HEG1: variants seen among roughly 807,000 people sequenced by gnomAD.
HEG1 encodes the protein protein HEG homolog 1.
Under a neutral mutation model 125.6 loss-of-function variants are expected in HEG1, and 56 were observed. The ratio of observed to expected loss-of-function variants is 0.45; its 90% confidence interval spans 0.36 to 0.56. The LOEUF (loss-of-function observed/expected upper bound fraction) is 0.56. HEG1 is among the 20% of genes least tolerant of loss of function. HEG1 has a pLI of 0.00. For missense variants in HEG1, 1,523 were observed against 1,670.0 expected, an observed-to-expected ratio of 0.91 and a Z score of 1.53; for synonymous variants, 644 against 668.5, an observed-to-expected ratio of 0.96 and a Z score of 0.57.
rs377517994 is a variant in HEG1, at chr3:125,012,903, T to G, written c.2676A>C (p.Gln892His). The G allele has an allele frequency of 9.6e-5, 155 of 1,614,046 alleles. No individual in the cohort carries two copies. Among genetic ancestry groups the G allele is most frequent in the Non-Finnish European group, 1.2e-4 (144 of 1,179,904 alleles). ...SLTHPEILVP[Q>H]ISTEGGISTE... The stretch of plus-strand genomic sequence containing the variant: ...TGCTGATGCCACCTTCTGTTGAGAT[T>G]TGAGGAACTAGTATTTCAGGATGGG... The change falls in exon 6 of 17, where the codon CAA becomes CAC. Residue 892 changes from glutamine (Q) to histidine (H), a missense_variant. Transcript: ENST00000311127.
intron 11 of HEG1, among the ~76,000 whole-genome samples, 159 bp from the exon 12 acceptor site, chr3:124,997,982 C>T (rs947910933): frequency 6.6e-6 from 1 of 152,238 alleles, no homozygotes; most frequent in African/African-American, 2.4e-5. Context: ...ACACTCCTCT[C>T]AGGAGTCCAT....
At chr3:124,991,532 A>C (rs1936834201) in intron 12 of HEG1, among the ~76,000 whole-genome samples, 1 of 152,146 alleles carries the variant, frequency 6.6e-6, no homozygotes, top group African/African-American at 2.4e-5. Flanking sequence ...ATTTTATTGG[A>C]GGTGATTAAG....
At chr3:125,038,519 A>G (rs749758774) in intron 1 of HEG1, among the ~76,000 whole-genome samples, 1 of 152,196 alleles carries the variant, frequency 6.6e-6, no homozygotes, top group Non-Finnish European at 1.5e-5. Flanking sequence ...CTGCCACTGG[A>G]GGTCTTGTTT....
At chr3:124,990,016 G>A (rs1253310095) in intron 14 of HEG1, among the ~76,000 whole-genome samples, 1 of 152,006 alleles carries the variant, frequency 6.6e-6, no homozygotes, top group Non-Finnish European at 1.5e-5. Flanking sequence ...GAACACCAAG[G>A]GCCCATGGCT....
chr3:124,971,107 A>G (rs1239580640), intron 16 of HEG1: 1 of 515,672 alleles, frequency 1.9e-6, no homozygotes, highest in South Asian at 1.5e-5. Context: ...GGAGGCCAAC[A>G]GCAATCCTCA....
At chr3:125,050,664 C>T (rs1320636968) in intron 1 of HEG1, among the ~76,000 whole-genome samples, 1 of 152,214 alleles carries the variant, frequency 6.6e-6, no homozygotes, top group Non-Finnish European at 1.5e-5. Flanking sequence ...TCGCTTTTTA[C>T]AATCTTGATG....
Position 125,019,570 on chromosome 3 carries a change from C to A in HEG1, c.1280G>T (p.Ser427Ile). Residue 427 changes from serine to isoleucine, a missense_variant, in exon 5 of 17, where the codon AGC (serine) becomes ATC (isoleucine). Transcript: ENST00000311127. The stretch of plus-strand genomic sequence containing the variant: ...GGGACTTCCATTTTGCACCTCAGAG[C>A]TGCTGGCAAGCTGATGTTCTCCAAA... ...PTFGEHQLASSSEVQNGSPMS... is the reference protein window; with the variant it reads ...PTFGEHQLASISEVQNGSPMS... The A allele has an allele frequency of 6.2e-7, 1 of 1,605,928 alleles. No homozygotes were observed. Among genetic ancestry groups the A allele is most frequent in the Non-Finnish European group, 8.5e-7 (1 of 1,173,042 alleles).
intron 14 of HEG1, among the ~76,000 whole-genome samples, chr3:124,978,556 T>C (rs1936589705): frequency 1.3e-5 from 2 of 152,128 alleles, no homozygotes; most frequent in Non-Finnish European, 2.9e-5. Flanking sequence ...GAAAAATAAA[T>C]GTGAGTTATG....
At chr3:125,051,106 C>G (rs1297439315) in intron 1 of HEG1, among the ~76,000 whole-genome samples, 2 of 152,242 alleles carry the variant, frequency 1.3e-5, no homozygotes, top group Non-Finnish European at 1.5e-5. Context: ...GCAGCAACCT[C>G]TGGCATCAAT....
intron 11 of HEG1, among the ~76,000 whole-genome samples, chr3:124,998,268 C>A (rs1336119837): frequency 2.0e-5 from 3 of 152,292 alleles, no homozygotes; most frequent in Non-Finnish European, 2.9e-5. Context: ...CAGGCCAGAC[C>A]TGTTTCAAGT....
rs911623853 is a variant in HEG1 at position 125,011,667 on chromosome 3, A to G, written c.2956+956T>C. Among the ~76,000 whole-genome samples the G allele has an allele frequency of 2.0e-5, 3 of 152,308 alleles. No individual in the cohort carries two copies. The South Asian group carries it at 6.2e-4, about 32-fold the overall frequency. On this transcript the variant is annotated intron_variant, in intron 6 of 16. Transcript: ENST00000311127. ...GGGGGTGGTTTGCTTATGAGCCTCC[A>G]GCCCAGGTTGATTGTGGCTGACAGG...
At chr3:125,007,008 G>A (rs1460121673) in intron 8 of HEG1, among the ~76,000 whole-genome samples, 2 of 151,678 alleles carry the variant, frequency 1.3e-5, no homozygotes, top group Non-Finnish European at 2.9e-5. Flanking sequence ...GACCATCCCG[G>A]CTAAAACGGT....
intron 8 of HEG1, chr3:125,009,421 A>G (rs1452051191): frequency 4.9e-6 from 1 of 206,016 alleles, no homozygotes; most frequent in East Asian, 1.1e-4. Flanking sequence ...TGTTTGTACA[A>G]TGTTTTTAAC....
intron 14 of HEG1, among the ~76,000 whole-genome samples, chr3:124,983,227 A>G (rs1936682667): frequency 1.3e-5 from 2 of 152,234 alleles, no homozygotes; most frequent in Admixed American, 6.5e-5. Context: ...AACACATTAC[A>G]GAATTTTCTA....
chr3:124,985,261 A>G (rs1936719869), intron 14 of HEG1, among the ~76,000 whole-genome samples: 1 of 152,190 alleles, frequency 6.6e-6, no homozygotes, highest in Admixed American at 6.5e-5. Flanking sequence ...TAGTAAGGAA[A>G]CATGGTGAAC....
chr3:125,019,364 C>T lies in HEG1; in HGVS notation c.1486G>A (p.Gly496Arg), dbSNP rs1322402874. 6.2e-7 allele frequency: 1 copy of T among 1,614,028 alleles called. No homozygotes were observed. The highest frequency in any genetic ancestry group is 2.2e-5 in the East Asian group (1 of 44,890). Residue 496 changes from glycine to arginine, a missense_variant, in exon 5 of 17, where the codon GGA becomes AGA. Gly to Arg is a moderately radical substitution (Grantham distance 125). Transcript: ENST00000311127. ...TCTCCCAATGCTGTGTGACTTCCTC[C>T]AGACTGTACAGTAGAGTCTGAGAAC... is the stretch of plus-strand genomic sequence containing the variant. ...TQFSDSTVQS[G>R]GSHTALGDRS... is the part of the protein sequence containing the mutation.
intron 8 of HEG1, among the ~76,000 whole-genome samples, chr3:125,006,575 T>A (rs1937073972): frequency 6.6e-6 from 1 of 152,208 alleles, no homozygotes; most frequent in Non-Finnish European, 1.5e-5. Context: ...AAGCGCTTAA[T>A]CCTTACTTAA....
chr3:124,984,258 AG>A (rs1479954983), intron 14 of HEG1, among the ~76,000 whole-genome samples: 1 of 152,204 alleles, frequency 6.6e-6, no homozygotes, highest in Non-Finnish European at 1.5e-5. Flanking sequence ...TGGGGAAGGC[AG>A]ACTCTCACTC....
At chr3:124,985,271 C>T (rs1251589649) in intron 14 of HEG1, among the ~76,000 whole-genome samples, 1 of 152,108 alleles carries the variant, frequency 6.6e-6, no homozygotes, top group South Asian at 2.1e-4. Context: ...ACATGGTGAA[C>T]ATAGTGTTTA....
Sources: gnomAD v4.1 joint callset for allele counts (sites outside exome capture counted in the v4.1 genomes callset) on GRCh38, gnomAD v4.1.1 for gene constraint, MANE v1.5 for transcripts, NCBI Gene and HGNC (gene_info 2026-07-23, HGNC 2026-07-21) for gene names.